Variants in DSP observed in about 807,000 individuals in gnomAD.
DSP encodes 250/210 kDa paraneoplastic pemphigus antigen.
In DSP, 114 loss-of-function variants were observed where a neutral mutation model predicts 290.6. The ratio of observed to expected loss-of-function variants is 0.39; its 90% CI spans 0.34 to 0.46. The LOEUF is 0.46. DSP is among the 20% of genes least tolerant of loss of function. DSP has a pLI of 0.99. For missense variants in DSP, 3,230 were observed against 3,495.8 expected, an observed-to-expected ratio of 0.92 and a Z score of 1.92; for synonymous variants, 1,311 against 1,316.4, an observed-to-expected ratio of 1.00 and a Z score of 0.09.
Position 7,541,843 on chromosome 6 carries a change from C to T in DSP, c.-73C>T, listed in dbSNP as rs1259777479. The T allele has an allele frequency of 6.6e-7, 1 of 1,522,026 alleles. No homozygotes were observed. 94.3% of individuals were successfully genotyped at this position (1,522,026 alleles called of 1,614,324 possible). A position where few individuals can be genotyped will look rare whatever the true frequency, so the allele number is the denominator to read the frequency against. On this transcript the variant is annotated 5_prime_UTR_variant, in exon 1 of 24. Coordinates refer to ENST00000379802, the MANE Select transcript of DSP (RefSeq NM_004415.4). Reference sequence around the variant, plus strand: ...CCGGCCGTCCGCCTATCCTTGGCCCCCTCCGCTTTCTCCGCGCCGGCCCGC... The same window carrying T: ...CCGGCCGTCCGCCTATCCTTGGCCCTCTCCGCTTTCTCCGCGCCGGCCCGC...
chr6:7,543,809 A>T (rs1758092323), intron 1 of DSP, among the ~76,000 whole-genome samples: 1 of 152,146 alleles, frequency 6.6e-6, no homozygotes, highest in Non-Finnish European at 1.5e-5. Context: ...CGAATATTTC[A>T]CTCCCTTGGC....
At chr6:7,544,760 A>G (rs1260724508) in intron 1 of DSP, among the ~76,000 whole-genome samples, 1 of 152,158 alleles carries the variant, frequency 6.6e-6, no homozygotes, top group Admixed American at 6.5e-5. Flanking sequence ...GGACAGTATT[A>G]GATCTCATTG....
intron 23 of DSP, 112 bp downstream of exon 23, chr6:7,581,681 A>T: frequency 6.8e-7 from 1 of 1,471,324 alleles, no homozygotes; most frequent in South Asian, 1.2e-5. Flanking sequence ...AGAAAATCTA[A>T]TTTTTCTTTT....
At position 7,582,619 on chromosome 6, in the gene DSP, ATTTC is replaced by A. The variant is rs749396563; in HGVS notation, c.5380-16_5380-13del. On this transcript the variant is annotated intron_variant, in intron 23 of 23. Coordinates refer to ENST00000379802, the MANE Select transcript of DSP (RefSeq NM_004415.4). This position sits in a 1 kb window ranked among gnomAD's most constrained non-coding sequence, Gnocchi z 4.2. ...ATGATTCAAAACATTATTTTTTCCCATTTCTTTCTTCTTCAATTCCAGGCATCTA... is the reference window on the plus strand; with the variant it reads ...ATGATTCAAAACATTATTTTTTCCCATTTCTTCTTCAATTCCAGGCATCTA... The A allele has an allele frequency of 1.9e-6, 3 of 1,592,244 alleles. No homozygotes were observed. Among genetic ancestry groups the A allele is most frequent in the Non-Finnish European group, 2.6e-6 (3 of 1,160,360 alleles).
Position 7,583,299 on chromosome 6 carries a change from C to T in DSP, c.6037C>T (p.Arg2013Trp), listed in dbSNP as rs756529985. The T allele has an allele frequency of 1.1e-5, 18 of 1,614,154 alleles. 1 individual carries two copies. The highest frequency in any genetic ancestry group is 4.0e-5 in the African/African-American group (3 of 75,026). The change falls in exon 24 of 24, where the codon CGG becomes TGG. Residue 2013 changes from arginine to tryptophan, a missense_variant. Around this residue, in one of 5 missense-constraint regions of DSP, gnomAD observed 1,714 missense variants for 1,844.5 expected, o/e 0.93. Transcript: ENST00000379802. The surrounding 1 kb of genome is among the most constrained non-coding windows in gnomAD (Gnocchi z 4.0). ...EVASEIQPFL[R>W]GAGSIAGASA... ...TGCTTCTGAAATCCAGCCATTCCTT[C>T]GGGGTGCAGGATCTATCGCTGGAGC...
rs753003177 is a variant in DSP at position 7,571,828 on chromosome 6, ACTT to A, written c.1904-10_1904-8del. 3 of 1,610,500 alleles carry A rather than the reference ACTT, an allele frequency of 1.9e-6. No individual in the cohort carries two copies. The highest frequency in any genetic ancestry group is 2.5e-6 in the Non-Finnish European group (3 of 1,179,758). Reference sequence around the variant, plus strand: ...GTATTCTCTGATTTTTGTGGCCCTAACTTCTTTTTACAGTGACCACAACTGAAA... The same window carrying A: ...GTATTCTCTGATTTTTGTGGCCCTAACTTTTTACAGTGACCACAACTGAAA... On this transcript the variant is annotated splice_polypyrimidine_tract_variant and intron_variant, in intron 14 of 23. Coordinates refer to ENST00000379802, the MANE Select transcript of DSP (RefSeq NM_004415.4).
Position 7,571,967 on chromosome 6 carries a change from A to G in DSP, c.2029A>G (p.Arg677Gly). 1 of 1,614,218 alleles carries G rather than the reference A, an allele frequency of 6.2e-7. No individual in the cohort carries two copies. Among genetic ancestry groups the G allele is most frequent in the Non-Finnish European group, 8.5e-7 (1 of 1,180,038 alleles). The change falls in exon 15 of 24, where the codon AGG (arginine) becomes GGG (glycine). Residue 677 changes from arginine (R) to glycine (G), a missense_variant. Arg to Gly is a moderately radical substitution (Grantham distance 125, BLOSUM62 -2). This residue lies in a region of DSP where 1,714 missense variants were observed against 1,844.5 expected (regional missense o/e 0.93). Transcript: ENST00000379802. The stretch of plus-strand genomic sequence containing the variant: ...GCTGATGGAGCTGCAGAAGATTCGC[A>G]GGCAGATAGAGCACTGCGAGGGCAG... ...WMLMELQKIR[R>G]QIEHCEGRMT...
intron 4 of DSP, among the ~76,000 whole-genome samples, chr6:7,560,216 G>A (rs1332570658): frequency 1.3e-5 from 2 of 152,214 alleles, no homozygotes; most frequent in African/African-American, 2.4e-5. Flanking sequence ...CAATTTAGAT[G>A]TGGTTGTAAG....
In DSP at chr6:7,583,661, T is replaced by C. The variant is rs745511581; in HGVS notation, c.6399T>C (p.Gly2133=). 3 of 1,613,372 alleles carry C rather than the reference T, an allele frequency of 1.9e-6. No homozygotes were observed. In the South Asian group the frequency reaches 3.3e-5, roughly 18 times the overall value. Reference sequence around the variant, plus strand: ...TGGAAGCCCAGATTGCTTCAGGGGGTGTAGTAGACCCTGTGAACAGTGTCT... The same window carrying C: ...TGGAAGCCCAGATTGCTTCAGGGGGCGTAGTAGACCCTGTGAACAGTGTCT... ...RLLEAQIASG[G]VVDPVNSVFL... The change falls in exon 24 of 24, where the codon GGT becomes GGC. Residue 2133 remains glycine, a synonymous_variant. Coordinates refer to ENST00000379802, the MANE Select transcript of DSP (RefSeq NM_004415.4). The surrounding 1 kb of genome is among the most constrained non-coding windows in gnomAD (Gnocchi z 4.0).
In DSP at chr6:7,541,968, T is replaced by C. The variant is rs769533657; in HGVS notation, c.53T>C (p.Ile18Thr). 2 of 1,607,134 alleles carry C rather than the reference T, an allele frequency of 1.2e-6. No homozygotes were observed. The highest frequency in any genetic ancestry group is 1.7e-6 in the Non-Finnish European group (2 of 1,177,850). ...HPRINTLGRMIRAESGPDLRY... is the reference protein window; with the variant it reads ...HPRINTLGRMTRAESGPDLRY... The stretch of plus-strand genomic sequence containing the variant: ...CGGATCAACACTCTGGGCCGCATGA[T>C]CCGCGCCGAGTCTGGCCCGGACCTG... Residue 18 changes from isoleucine to threonine, a missense_variant, in exon 1 of 24, where the codon ATC becomes ACC. Physicochemically the swap from Ile to Thr is moderately conservative, Grantham distance 89. Transcript: ENST00000379802.
chr6:7,579,206 A>G lies in DSP; in HGVS notation c.3085-69A>G. 6.3e-7 allele frequency: 1 copy of G among 1,589,756 alleles called. No homozygotes were observed. Among genetic ancestry groups the G allele is most frequent in the South Asian group, 1.1e-5 (1 of 88,130 alleles). ...GAATGCACATTGGTCTGGGAGGGGA[A>G]AAGTACTGCTTCTTTCTTGGAATGT... On this transcript the variant is annotated intron_variant, in intron 22 of 23. Coordinates refer to ENST00000379802, the MANE Select transcript of DSP (RefSeq NM_004415.4). The surrounding 1 kb of genome is among the most constrained non-coding windows in gnomAD (Gnocchi z 4.1).
chr6:7,545,000 T>C (rs1378377112), intron 1 of DSP, among the ~76,000 whole-genome samples: 2 of 152,210 alleles, frequency 1.3e-5, no homozygotes, highest in African/African-American at 4.8e-5. Flanking sequence ...TCTAGTCTTA[T>C]TCCTGTCATT....
chr6:7,567,122 C>CT (rs1758886316), intron 8 of DSP, among the ~76,000 whole-genome samples: 1 of 152,186 alleles, frequency 6.6e-6, no homozygotes, highest in African/African-American at 2.4e-5. Context: ...CATATTTTGA[C>CT]TAAGACTCCT....
rs761506842 is a variant in DSP, at chr6:7,555,800, G to A, written c.253G>A (p.Ala85Thr). 2 of 1,614,164 alleles carry A rather than the reference G, an allele frequency of 1.2e-6. No homozygotes were observed. The highest frequency in any genetic ancestry group is 4.5e-5 in the East Asian group (2 of 44,890). The change falls in exon 2 of 24, where the codon GCA (alanine) becomes ACA (threonine). Residue 85 changes from alanine (A) to threonine (T), a missense_variant. Coordinates refer to ENST00000379802, the MANE Select transcript of DSP (RefSeq NM_004415.4). ...GAACTGCTCCGACTGCTTGATGCGA[G>A]CAGAGCTCATCGTGCAGCCTGTAAG... is the stretch of plus-strand genomic sequence containing the variant. Reference protein sequence around the residue: ...LQNCSDCLMRAELIVQPELKY... With the variant: ...LQNCSDCLMRTELIVQPELKY...
chr6:7,572,848 C>T lies in DSP; in HGVS notation c.2130+780C>T, dbSNP rs1383303287. ...CCTAGATGGTATAGCCTACTATACA[C>T]CTAGGCTACAAACCTGTAGGGCATG... On this transcript the variant is annotated intron_variant, in intron 15 of 23. Coordinates refer to ENST00000379802, the MANE Select transcript of DSP (RefSeq NM_004415.4). Among the ~76,000 whole-genome samples, 3 of 152,166 alleles carry T rather than the reference C, an allele frequency of 2.0e-5. No individual in the cohort carries two copies. The East Asian group carries it at 5.8e-4, about 29-fold the overall frequency.
chr6:7,577,997 A>G, intron 21 of DSP, 111 bp downstream of exon 21: 2 of 878,760 alleles, frequency 2.3e-6, no homozygotes, highest in South Asian at 2.8e-5. Context: ...CTTCCTTACC[A>G]TTGCTGATTT....
rs1404710139 is a variant in DSP, at chr6:7,585,730, C to T, written c.8468C>T (p.Pro2823Leu). Residue 2823 changes from proline (P) to leucine (L), a missense_variant, in exon 24 of 24, where the codon CCG becomes CTG. Coordinates refer to ENST00000379802, the MANE Select transcript of DSP (RefSeq NM_004415.4). ...AGCCCTTACAACATGTCTTCGGCTCCGGGGTCCCGCTCCGGCTCCCGCTCG... is the reference window on the plus strand; with the variant it reads ...AGCCCTTACAACATGTCTTCGGCTCTGGGGTCCCGCTCCGGCTCCCGCTCG... ...LPSPYNMSSA[P>L]GSRSGSRSGS... 6 of 1,612,270 alleles carry T rather than the reference C, an allele frequency of 3.7e-6. No individual in the cohort carries two copies. The highest frequency in any genetic ancestry group is 3.4e-6 in the Non-Finnish European group (4 of 1,178,960).
Position 7,559,287 on chromosome 6 carries a change from C to G in DSP, c.484C>G (p.Arg162Gly), listed in dbSNP as rs760711308. 2.4e-5 allele frequency: 38 copies of G among 1,613,844 alleles called. No individual in the cohort carries two copies. Among genetic ancestry groups the G allele is most frequent in the Non-Finnish European group, 2.9e-5 (34 of 1,180,040 alleles). ...LYKAISVPRV[R>G]RASSKGGGGY... is the part of the protein sequence containing the mutation. The stretch of plus-strand genomic sequence containing the variant: ...TAAAGCCATCAGTGTCCCTCGAGTC[C>G]GCAGGGCCAGCTCCAAGGGTGGTGG... The change falls in exon 4 of 24, where the codon CGC (arginine) becomes GGC (glycine). Residue 162 changes from arginine (R) to glycine (G), a missense_variant. Arg to Gly is a moderately radical substitution (Grantham distance 125). Around this residue, in one of 5 missense-constraint regions of DSP, gnomAD observed 646 missense variants for 684.3 expected, o/e 0.94. Transcript: ENST00000379802.
At chr6:7,568,632 TAC>T (rs1561688057) in intron 11 of DSP, 43 bp downstream of exon 11, 1 of 1,609,396 alleles carries the variant, frequency 6.2e-7, no homozygotes, top group Non-Finnish European at 8.5e-7. Flanking sequence ...TCCCTGTCTT[TAC>T]ACACAAATTT....
Sources: allele counts gnomAD v4.1 joint callset (sites outside exome capture counted in the v4.1 genomes callset), GRCh38; gene constraint gnomAD v4.1.1; regional missense constraint gnomAD v4.1.1; non-coding constraint Gnocchi (gnomAD v3.1); transcripts MANE v1.5; gene names NCBI Gene and HGNC (gene_info 2026-07-23, HGNC 2026-07-21).